EGF: variants seen among roughly 807,000 people sequenced by gnomAD.
The protein encoded by EGF is pro-epidermal growth factor.
EGF carries 95 observed loss-of-function variants against 143.8 expected under a neutral mutation model. That is an observed-to-expected ratio of 0.66 (90% confidence interval 0.56 to 0.78). The LOEUF is 0.78. EGF is among the 30% of genes least tolerant of loss of function. The pLI is 0.00. For synonymous variants in EGF, 510 were observed against 510.5 expected (o/e 1.00, Z 0.01); for missense variants, 1,320 against 1,470.9 (o/e 0.90, Z 1.68).
chr4:109,925,819 A>T (rs1738541798), intron 1 of EGF, among the ~76,000 whole-genome samples: 1 of 152,218 alleles, frequency 6.6e-6, no homozygotes, highest in Admixed American at 6.5e-5. Flanking sequence ...CAGCAGTGGT[A>T]CACCCACTGC....
At chr4:109,915,555 T>C (rs1009816093) in intron 1 of EGF, among the ~76,000 whole-genome samples, 1 of 152,226 alleles carries the variant, frequency 6.6e-6, no homozygotes, top group Non-Finnish European at 1.5e-5. Context: ...TGCAAGTCAC[T>C]GGTTTAAATC....
At chr4:109,977,400 C>T (rs1225330030) in intron 13 of EGF, 4 of 152,154 alleles carry the variant, frequency 2.6e-5, no homozygotes, top group African/African-American at 7.2e-5. Context: ...TATGCTTATG[C>T]ACAACCTTAG....
intron 5 of EGF, among the ~76,000 whole-genome samples, chr4:109,949,280 T>A (rs1471828752): frequency 3.9e-5 from 6 of 152,080 alleles, no homozygotes; most frequent in Admixed American, 6.5e-5. Flanking sequence ...TTGGCCAGGC[T>A]GGTCTTAAAC....
Position 109,949,238 on chromosome 4 carries a change from T to G in EGF, c.940+3963T>G, listed in dbSNP as rs79805385. ...CACCCACCACCATGCCCAGCTAATT[T>G]GTATTTTTAGTAGAGACAGGGTTTC... On this transcript the variant is annotated intron_variant, in intron 5 of 23. Coordinates refer to ENST00000265171, the MANE Select transcript of EGF (RefSeq NM_001963.6). 7.1e-3 allele frequency among the ~76,000 whole-genome samples: 1,082 copies of G among 152,146 alleles called. 13 individuals are homozygous for G. The highest frequency in any genetic ancestry group is 0.025 in the African/African-American group (1,025 of 41,482).
intron 1 of EGF, among the ~76,000 whole-genome samples, chr4:109,934,331 G>A (rs1288263560): frequency 6.6e-6 from 1 of 152,190 alleles, no homozygotes; most frequent in Non-Finnish European, 1.5e-5. Context: ...TGCAAACAGA[G>A]ACAATTTGAC....
intron 18 of EGF, among the ~76,000 whole-genome samples, chr4:109,991,636 AC>A (rs759393358): frequency 1.3e-5 from 2 of 152,158 alleles, no homozygotes; most frequent in African/African-American, 2.4e-5. Flanking sequence ...AGAAAGGATG[AC>A]TTTTCTGATA....
At chr4:109,996,091 A>G (rs909688820) in intron 20 of EGF, among the ~76,000 whole-genome samples, 2 of 152,198 alleles carry the variant, frequency 1.3e-5, no homozygotes, top group African/African-American at 4.8e-5. Flanking sequence ...ATCCCAAATA[A>G]TGAAATTACA....
chr4:109,913,568 G>A, intron 1 of EGF, 106 bp downstream of exon 1: 1 of 1,512,390 alleles, frequency 6.6e-7, no homozygotes, highest in Non-Finnish European at 9.0e-7. Context: ...TTGTCTTTGG[G>A]TATGTATAGT....
Position 109,983,500 on chromosome 4 carries a change from C to A in EGF, c.2450C>A (p.Thr817Lys), listed in dbSNP as rs764253043. 1.2e-6 allele frequency: 2 copies of A among 1,613,772 alleles called. No individual in the cohort carries two copies. The highest frequency in any genetic ancestry group is 2.2e-5 in the East Asian group (1 of 44,840). The change falls in exon 16 of 24, where the codon ACA becomes AAA. Residue 817 changes from threonine to lysine, a missense_variant. By Grantham distance (78) the Thr-to-Lys change is moderately conservative. Transcript: ENST00000265171. ...ACTAGAGTGTCAGAAGATAACATTA[C>A]AGAATCTCAACACATGCTAGTGGCT... is the stretch of plus-strand genomic sequence containing the variant. ...SKTRVSEDNI[T>K]ESQHMLVAEI...
intron 14 of EGF, 175 bp from the exon 15 acceptor site, chr4:109,980,651 C>A: frequency 1.4e-6 from 1 of 710,002 alleles, no homozygotes; most frequent in Non-Finnish European, 2.4e-6. Flanking sequence ...ATCTTAGAAT[C>A]AGTGGCTCCT....
In EGF at chr4:109,987,893, C is replaced by A. The variant is rs138116919; in HGVS notation, c.2608+33C>A. 7.9e-4 allele frequency: 1,182 copies of A among 1,503,152 alleles called. 11 individuals are homozygous for A. The East Asian group carries it at 0.018, about 23-fold the overall frequency. The allele number at this position is 1,503,152 out of a possible 1,614,324, so 93.1% of individuals were successfully genotyped here. On this transcript the variant is annotated intron_variant, in intron 17 of 23. Transcript: ENST00000265171. Reference sequence around the variant, plus strand: ...AAAAGGGCAAATTCACATATTTGGACAATACTGAACCAGAAACATTTTTTC... The same window carrying A: ...AAAAGGGCAAATTCACATATTTGGAAAATACTGAACCAGAAACATTTTTTC...
chr4:109,943,375 C>T lies in EGF; in HGVS notation c.449C>T (p.Ser150Phe). 1.9e-6 allele frequency: 3 copies of T among 1,613,478 alleles called. No homozygotes were observed. Among genetic ancestry groups the T allele is most frequent in the Non-Finnish European group, 2.5e-6 (3 of 1,179,654 alleles). Residue 150 changes from serine to phenylalanine, a missense_variant, in exon 3 of 24, where the codon TCC becomes TTC. By Grantham distance (155) the Ser-to-Phe change is radical. Coordinates refer to ENST00000265171, the MANE Select transcript of EGF (RefSeq NM_001963.6). ...GTAACAGATATGAAAGGAAATAATT[C>T]CCACATTCTTTTAAGTGCTTTAAAA... is the stretch of plus-strand genomic sequence containing the variant. The part of the protein sequence containing the change: ...ITVTDMKGNN[S>F]HILLSALKYP...
chr4:109,955,198 T>G (rs1303682901), intron 5 of EGF, among the ~76,000 whole-genome samples: 2 of 152,180 alleles, frequency 1.3e-5, no homozygotes, highest in Non-Finnish European at 2.9e-5. Context: ...TGGGCTATAG[T>G]AAAGCTCATG....
rs542523380 is a variant in EGF, at chr4:109,943,730, A to G, written c.510-112A>G. 30 of 945,152 alleles carry G rather than the reference A, an allele frequency of 3.2e-5. No individual in the cohort carries two copies. The African/African-American group carries it at 4.4e-4, about 14-fold the overall frequency. 58.5% of individuals were successfully genotyped at this position (945,152 alleles called of 1,614,324 possible). On this transcript the variant is annotated intron_variant, in intron 3 of 23. Transcript: ENST00000265171. Reference sequence around the variant, plus strand: ...GTGTTTACTTGTTGAATAAATTTTCATTCAAAATAGTCAAACTTGCCCTGT... The same window carrying G: ...GTGTTTACTTGTTGAATAAATTTTCGTTCAAAATAGTCAAACTTGCCCTGT...
chr4:109,948,017 T>A (rs1488359523), intron 5 of EGF, among the ~76,000 whole-genome samples: 1 of 152,242 alleles, frequency 6.6e-6, no homozygotes, highest in African/African-American at 2.4e-5. Context: ...AAATGTATTG[T>A]CTCTTCAGAG....
intron 11 of EGF, among the ~76,000 whole-genome samples, chr4:109,971,471 C>T (rs1179393864): frequency 6.6e-6 from 1 of 152,150 alleles, no homozygotes; most frequent in African/African-American, 2.4e-5. Flanking sequence ...GATGCCAAGT[C>T]TTCTCATATT....
intron 5 of EGF, among the ~76,000 whole-genome samples, chr4:109,950,685 G>A (rs917079418): frequency 6.6e-6 from 1 of 152,024 alleles, no homozygotes; most frequent in African/African-American, 2.4e-5. Context: ...CTTTCATGAG[G>A]CACACTTGCT....
intron 2 of EGF, among the ~76,000 whole-genome samples, chr4:109,942,335 G>A (rs1296172995): frequency 6.6e-6 from 1 of 152,188 alleles, no homozygotes; most frequent in Non-Finnish European, 1.5e-5. Context: ...ACCTGGGTGA[G>A]CTAATTTATG....
At chr4:109,947,565 G>A (rs903240163) in intron 5 of EGF, among the ~76,000 whole-genome samples, 4 of 152,154 alleles carry the variant, frequency 2.6e-5, no homozygotes, top group Admixed American at 2.6e-4. Context: ...TAATGGTAGT[G>A]TAGATAGTCT....
Sources: allele counts gnomAD v4.1 joint callset (sites outside exome capture counted in the v4.1 genomes callset), GRCh38; gene constraint gnomAD v4.1.1; transcripts MANE v1.5; gene names NCBI Gene and HGNC (gene_info 2026-07-23, HGNC 2026-07-21).